The following ELAVL2 variants were observed in gnomAD, a reference collection of about 807,000 sequenced individuals.
ELAVL2 encodes the protein ELAV like RNA binding protein 2, also known as ELAV-like protein 2.
In ELAVL2, 4 loss-of-function variants were observed where a neutral mutation model predicts 34.6. The observed-to-expected ratio is 0.12, with a 90% CI of 0.06 to 0.26. The LOEUF (loss-of-function observed/expected upper bound fraction) is 0.26. ELAVL2 is among the 10% of genes least tolerant of loss of function. The pLI is 1.00. For synonymous variants in ELAVL2, 193 were observed against 154.8 expected (o/e 1.25, Z -1.83); for missense variants, 432 against 442.8 (o/e 0.98, Z 0.22).
chr9:23,755,990 T>TA (rs1564300731), intron 2 of ELAVL2, among the ~76,000 whole-genome samples: 2 of 152,270 alleles, frequency 1.3e-5, no homozygotes, highest in East Asian at 3.9e-4. Context: ...GATTGACTCA[T>TA]AGGAAATAAG....
chr9:23,792,378 C>T (rs1264670662), intron 1 of ELAVL2, among the ~76,000 whole-genome samples: 3 of 152,186 alleles, frequency 2.0e-5, no homozygotes, highest in Non-Finnish European at 4.4e-5. Context: ...TGCCCCCTCG[C>T]TTTTGAATCA....
At chr9:23,799,019 C>T (rs1349404304) in intron 1 of ELAVL2, among the ~76,000 whole-genome samples, 1 of 152,114 alleles carries the variant, frequency 6.6e-6, no homozygotes, top group Non-Finnish European at 1.5e-5. Flanking sequence ...AGGTGGTGGT[C>T]ATGTAAAGTG....
chr9:23,841,731 T>A, the ELAVL2 span, among the ~76,000 whole-genome samples: 2 of 152,096 alleles, frequency 1.3e-5, no homozygotes, highest in African/African-American at 4.8e-5. Flanking sequence ...ATGTATAAAG[T>A]GAATGATAGT....
At chr9:23,708,959 A>G (rs1383228830) in intron 3 of ELAVL2, among the ~76,000 whole-genome samples, 1 of 152,074 alleles carries the variant, frequency 6.6e-6, no homozygotes, top group Non-Finnish European at 1.5e-5. Flanking sequence ...TTTAAGAGTA[A>G]TTTTTTCTAA....
At chr9:23,807,982 G>A (rs1211596362) in intron 1 of ELAVL2, among the ~76,000 whole-genome samples, 3 of 152,064 alleles carry the variant, frequency 2.0e-5, no homozygotes, top group African/African-American at 7.2e-5. Flanking sequence ...CATTAAAATC[G>A]GTTTCTCGTA....
At chr9:23,799,371 C>G (rs533441611) in intron 1 of ELAVL2, among the ~76,000 whole-genome samples, 1 of 152,162 alleles carries the variant, frequency 6.6e-6, no homozygotes, top group African/African-American at 2.4e-5. Flanking sequence ...GATAAGAAAC[C>G]CAGGACCTGA....
At chr9:23,788,502 C>G (rs1374244555) in intron 1 of ELAVL2, among the ~76,000 whole-genome samples, 1 of 152,124 alleles carries the variant, frequency 6.6e-6, no homozygotes, top group Non-Finnish European at 1.5e-5. Flanking sequence ...AATTTAATTT[C>G]TAAACTGGGC....
At chr9:23,821,756 C>CACGCG (rs1554771054) in intron 1 of ELAVL2, 2 of 151,028 alleles carry the variant, frequency 1.3e-5, no homozygotes, top group African/African-American at 2.4e-5. Flanking sequence ...CCCCGCCCCA[C>CACGCG]CCGCGCCGCG....
At chr9:23,841,393 A>T in the ELAVL2 span, among the ~76,000 whole-genome samples, 1 of 152,110 alleles carries the variant, frequency 6.6e-6, no homozygotes, top group South Asian at 2.1e-4. Context: ...ATTCAGAGAA[A>T]TTCCAATGCT....
chr9:23,710,471 T>C (rs368989534), intron 3 of ELAVL2, among the ~76,000 whole-genome samples: 18 of 152,314 alleles, frequency 1.2e-4, no homozygotes, highest in African/African-American at 3.4e-4. Flanking sequence ...TTAATACCAA[T>C]AGATTAAAGT....
intron 1 of ELAVL2, among the ~76,000 whole-genome samples, chr9:23,779,903 CT>C (rs915241143): frequency 4.8e-5 from 7 of 144,884 alleles, no homozygotes; most frequent in Middle Eastern, 4.0e-3. Flanking sequence ...AACTGCAAAC[CT>C]TTAAGGTTGC....
At chr9:23,775,050 T>G (rs762051411) in intron 1 of ELAVL2, among the ~76,000 whole-genome samples, 14 of 152,180 alleles carry the variant, frequency 9.2e-5, no homozygotes, top group Non-Finnish European at 2.1e-4. Context: ...TCACATTTAA[T>G]TACAAGAAAA....
intron 1 of ELAVL2, among the ~76,000 whole-genome samples, chr9:23,822,005 G>C (rs1049427886): frequency 6.6e-6 from 1 of 151,618 alleles, no homozygotes; most frequent in African/African-American, 2.4e-5. Context: ...GCTCAGCTCC[G>C]TCCCTCCGGA....
intron 1 of ELAVL2, among the ~76,000 whole-genome samples, chr9:23,816,201 A>G (rs1048540633): frequency 1.3e-5 from 2 of 151,742 alleles, no homozygotes; most frequent in African/African-American, 4.8e-5. Flanking sequence ...AGAACTTCCA[A>G]TTTTACAATG....
chr9:23,731,648 G>T (rs1365294737), intron 2 of ELAVL2, among the ~76,000 whole-genome samples: 1 of 152,114 alleles, frequency 6.6e-6, no homozygotes, highest in Admixed American at 6.6e-5. Context: ...GTGTATACAT[G>T]TAAGTTTATT....
chr9:23,839,974 A>C, the ELAVL2 span, among the ~76,000 whole-genome samples: 1 of 152,164 alleles, frequency 6.6e-6, no homozygotes, highest in Non-Finnish European at 1.5e-5. Context: ...TTACAGCTAT[A>C]AAATACAGCT....
chr9:23,785,393 G>A (rs2059561483), intron 1 of ELAVL2, among the ~76,000 whole-genome samples: 2 of 152,206 alleles, frequency 1.3e-5, no homozygotes, highest in Non-Finnish European at 2.9e-5. Context: ...ATTATAAAAT[G>A]AGAATTTTGA....
At chr9:23,791,780 C>T (rs536969430) in intron 1 of ELAVL2, among the ~76,000 whole-genome samples, 20 of 152,270 alleles carry the variant, frequency 1.3e-4, no homozygotes, top group Admixed American at 1.0e-3. Flanking sequence ...ACCAACACTA[C>T]CAAAACCTTG....
At chr9:23,777,570 T>G (rs755503584) in intron 1 of ELAVL2, among the ~76,000 whole-genome samples, 1 of 152,146 alleles carries the variant, frequency 6.6e-6, no homozygotes, top group Non-Finnish European at 1.5e-5. Context: ...GGCCTTGGAA[T>G]TGAGTTGAGT....
Sources: gnomAD v4.1 joint callset for allele counts (sites outside exome capture counted in the v4.1 genomes callset) on GRCh38, gnomAD v4.1.1 for gene constraint, MANE v1.5 for transcripts, NCBI Gene and HGNC (gene_info 2026-07-23, HGNC 2026-07-21) for gene names.